The following ARHGEF11 variants were observed in gnomAD, a reference collection of about 807,000 sequenced individuals.
ARHGEF11 encodes Rho guanine exchange factor (GEF) 11.
A neutral mutation model predicts 193.7 loss-of-function variants in ARHGEF11; 55 were observed. That is an observed-to-expected ratio of 0.28 (90% CI 0.23 to 0.36). The LOEUF is 0.36. Ranked by LOEUF, ARHGEF11 falls within the 10% of genes least tolerant of loss-of-function variation. The pLI is 1.00. For synonymous variants in ARHGEF11, 693 were observed against 768.0 expected (o/e 0.90, Z 1.62); for missense variants, 1,723 against 2,005.6 (o/e 0.86, Z 2.69).
chr1:156,942,505 C>A (rs1657230372), intron 33 of ARHGEF11, among the ~76,000 whole-genome samples, 185 bp downstream of exon 33: 3 of 152,214 alleles, frequency 2.0e-5, no homozygotes, highest in Admixed American at 2.0e-4. Context: ...GGCCTGGTGA[C>A]CAGGTCGGGG....
Position 157,024,511 on chromosome 1 carries a change from C to A in ARHGEF11, c.32+19788G>T, listed in dbSNP as rs547515805. Reference sequence around the variant, plus strand: ...GATTATTATGATACAAAATAAATGGCTATGGATTGTGAAGTCATGAAGGTT... The same window carrying A: ...GATTATTATGATACAAAATAAATGGATATGGATTGTGAAGTCATGAAGGTT... On this transcript the variant is annotated intron_variant, in intron 1 of 40. Transcript: ENST00000368194. Among the ~76,000 whole-genome samples, 4 of 152,200 alleles carry A rather than the reference C, an allele frequency of 2.6e-5. No homozygotes were observed. The South Asian group carries it at 8.3e-4, about 32-fold the overall frequency.
At chr1:156,951,239 T>A (rs930281770) in intron 22 of ARHGEF11, among the ~76,000 whole-genome samples, 2 of 152,218 alleles carry the variant, frequency 1.3e-5, no homozygotes, top group Non-Finnish European at 2.9e-5. Flanking sequence ...GTCTTCCTTA[T>A]CCTTGTCACT....
At chr1:156,999,816 A>T (rs113853208) in intron 1 of ARHGEF11, among the ~76,000 whole-genome samples, 17 of 152,330 alleles carry the variant, frequency 1.1e-4, no homozygotes, top group African/African-American at 4.1e-4. Context: ...TCCTCACCAC[A>T]TCGTAGCCAC....
chr1:156,955,604 C>T (rs1659836268), intron 20 of ARHGEF11, 99 bp downstream of exon 20: 2 of 951,336 alleles, frequency 2.1e-6, no homozygotes, highest in Non-Finnish European at 3.4e-6. Context: ...CTGTGGCTCC[C>T]AGAAACACAG....
intron 3 of ARHGEF11, among the ~76,000 whole-genome samples, chr1:156,981,799 A>G (rs1230009123): frequency 1.3e-5 from 2 of 152,226 alleles, no homozygotes; most frequent in Admixed American, 1.3e-4. Flanking sequence ...TAAATGACTT[A>G]TATTCCTAGT....
intron 7 of ARHGEF11, among the ~76,000 whole-genome samples, chr1:156,976,750 A>G (rs1332516266): frequency 6.6e-6 from 1 of 152,022 alleles, no homozygotes; most frequent in Non-Finnish European, 1.5e-5. Context: ...GTACATATTC[A>G]CTATCCTAAT....
chr1:156,966,013 T>C (rs746301171), intron 11 of ARHGEF11, among the ~76,000 whole-genome samples: 33 of 152,194 alleles, frequency 2.2e-4, no homozygotes, highest in Non-Finnish European at 4.4e-5. Context: ...GCATATAAAG[T>C]TGAGGTAAGC....
At position 156,940,340 on chromosome 1, in the gene ARHGEF11, T is replaced by C. The variant is rs1216169455; in HGVS notation, c.3600A>G (p.Glu1200=). The part of the protein sequence containing the change: ...PEQEGSAEEE[E]LGVLPCPSTS... ...TGGAAGGGCAAGGCAGGACACCCAG[T>C]TCCTCTTCCTCTGCACTGCCCTCCT... The change falls in exon 36 of 41, where the codon GAA becomes GAG. Residue 1200 remains glutamate (E), a synonymous_variant. Transcript: ENST00000368194. 1 of 1,613,898 alleles carries C rather than the reference T, an allele frequency of 6.2e-7. No individual in the cohort carries two copies. The highest frequency in any genetic ancestry group is 1.1e-5 in the South Asian group (1 of 91,002).
chr1:157,034,136 C>T (rs1671625443), intron 1 of ARHGEF11, among the ~76,000 whole-genome samples: 1 of 152,204 alleles, frequency 6.6e-6, no homozygotes, highest in African/African-American at 2.4e-5. Context: ...TTTCCCCTCT[C>T]CCTGGGGCTC....
chr1:156,936,183 C>G (rs975582171), intron 40 of ARHGEF11, 125 bp from the exon 41 acceptor site: 7 of 1,028,678 alleles, frequency 6.8e-6, no homozygotes, highest in Non-Finnish European at 1.1e-5. Context: ...TCCAGAAACC[C>G]CAGTTTCTCG....
intron 1 of ARHGEF11, among the ~76,000 whole-genome samples, chr1:157,035,803 C>T (rs140780222): frequency 1.7e-4 from 12 of 72,354 alleles, no homozygotes; most frequent in South Asian, 1.0e-3. Flanking sequence ...AATATATATA[C>T]AGGAATATAT....
chr1:156,948,759 T>A lies in ARHGEF11; in HGVS notation c.1926-261A>T. 7.1e-7 allele frequency: 1 copy of A among 1,418,364 alleles called. No individual in the cohort carries two copies. The highest frequency in any genetic ancestry group is 9.3e-7 in the Non-Finnish European group (1 of 1,080,432). The allele number at this position is 1,418,364 out of a possible 1,614,324, so 87.9% of individuals were successfully genotyped here. A position where few individuals can be genotyped will look rare whatever the true frequency, so the allele number is the denominator to read the frequency against. On this transcript the variant is annotated intron_variant, in intron 22 of 40. Coordinates refer to ENST00000368194, the MANE Select transcript of ARHGEF11 (RefSeq NM_198236.3). The surrounding 1 kb of genome is among the most constrained non-coding windows in gnomAD (Gnocchi z 4.2). ...TTCCTCTGGAGCTATTAGGAAGGGA[T>A]CCTAACAGGAAGATGAAATCTGGGG...
intron 1 of ARHGEF11, among the ~76,000 whole-genome samples, chr1:157,031,722 G>A (rs939016820): frequency 6.6e-6 from 1 of 152,200 alleles, no homozygotes; most frequent in Non-Finnish European, 1.5e-5. Context: ...AAAGGCCCTA[G>A]AACAGAACCC....
intron 1 of ARHGEF11, among the ~76,000 whole-genome samples, chr1:156,996,548 C>T (rs569945606): frequency 4.6e-5 from 7 of 151,830 alleles, no homozygotes; most frequent in Admixed American, 3.9e-4. Flanking sequence ...AAGAGGCGGG[C>T]GGATCACGAG....
In ARHGEF11 at chr1:156,948,628, C is replaced by T; in HGVS notation, c.1926-130G>A. 6.3e-7 allele frequency: 1 copy of T among 1,583,118 alleles called. No homozygotes were observed. Among genetic ancestry groups the T allele is most frequent in the Non-Finnish European group, 8.6e-7 (1 of 1,168,090 alleles). Reference sequence around the variant, plus strand: ...CCACAGGTTCTCCTCCTGAACATGGCCAAAGCAGCTGGATGGCAGTGGAAG... The same window carrying T: ...CCACAGGTTCTCCTCCTGAACATGGTCAAAGCAGCTGGATGGCAGTGGAAG... On this transcript the variant is annotated intron_variant, in intron 22 of 40. Coordinates refer to ENST00000368194, the MANE Select transcript of ARHGEF11 (RefSeq NM_198236.3). This position sits in a 1 kb window ranked among gnomAD's most constrained non-coding sequence, Gnocchi z 4.2.
chr1:156,973,406 A>T (rs969106347), intron 7 of ARHGEF11, among the ~76,000 whole-genome samples: 17 of 152,204 alleles, frequency 1.1e-4, no homozygotes, highest in African/African-American at 3.6e-4. Flanking sequence ...GTGCTGTAGA[A>T]GCACCTATGT....
At chr1:156,976,632 C>T (rs1306591761) in intron 7 of ARHGEF11, among the ~76,000 whole-genome samples, 1 of 152,140 alleles carries the variant, frequency 6.6e-6, no homozygotes, top group African/African-American at 2.4e-5. Flanking sequence ...CCAAGTGCTC[C>T]CCACCTCTTT....
chr1:156,965,218 T>C (rs1462501846), intron 11 of ARHGEF11, among the ~76,000 whole-genome samples: 1 of 152,162 alleles, frequency 6.6e-6, no homozygotes, highest in African/African-American at 2.4e-5. Flanking sequence ...TCCAACACTA[T>C]TGACCCCACA....
At chr1:156,955,218 G>C (rs1273914272) in intron 20 of ARHGEF11, among the ~76,000 whole-genome samples, 1 of 152,140 alleles carries the variant, frequency 6.6e-6, no homozygotes, top group African/African-American at 2.4e-5. Flanking sequence ...TCAATGATAG[G>C]ATCAGTTGAG....
Sources: allele counts gnomAD v4.1 joint callset (sites outside exome capture counted in the v4.1 genomes callset), GRCh38; gene constraint gnomAD v4.1.1; non-coding constraint Gnocchi (gnomAD v3.1); transcripts MANE v1.5; gene names NCBI Gene and HGNC (gene_info 2026-07-23, HGNC 2026-07-21).